GTF2H4: variants seen among roughly 807,000 people sequenced by gnomAD.
GTF2H4 encodes BTF2 p52.
In GTF2H4, 49 loss-of-function variants were observed where a neutral mutation model predicts 62.2. That is an observed-to-expected ratio of 0.79 (90% CI 0.63 to 1.00). The LOEUF is 1.00. Ranked by LOEUF, GTF2H4 falls within the 50% of genes least tolerant of loss-of-function variation. GTF2H4 has a pLI of 0.00. For synonymous variants in GTF2H4, 189 were observed against 233.8 expected (o/e 0.81, Z 1.75); for missense variants, 479 against 587.8 (o/e 0.81, Z 1.91).
Position 30,909,004 on chromosome 6 carries a change from G to A in GTF2H4, c.-3-30G>A, listed in dbSNP as rs1278866888. ...GGGGTGACACTGGCATGGATGGTGA[G>A]GTTGCACTTCTGACGTTTGCATTCC... On this transcript the variant is annotated intron_variant, in intron 1 of 13. Transcript: ENST00000259895. The surrounding 1 kb of genome is among the most constrained non-coding windows in gnomAD (Gnocchi z 4.3). 3.7e-6 allele frequency: 6 copies of A among 1,613,194 alleles called. No homozygotes were observed. The highest frequency in any genetic ancestry group is 4.2e-6 in the Non-Finnish European group (5 of 1,179,836).
Position 30,909,183 on chromosome 6 carries a change from C to T in GTF2H4, c.137+10C>T, listed in dbSNP as rs1562435372. ...GTCTGGCTGTCTTCAGGTGAGAAGCCCCTTCATGGCAGGGAAATGTAATGG... is the reference window on the plus strand; with the variant it reads ...GTCTGGCTGTCTTCAGGTGAGAAGCTCCTTCATGGCAGGGAAATGTAATGG... On this transcript the variant is annotated intron_variant, in intron 2 of 13. Coordinates refer to ENST00000259895, the MANE Select transcript of GTF2H4 (RefSeq NM_001517.5). The surrounding 1 kb of genome is among the most constrained non-coding windows in gnomAD (Gnocchi z 4.3). The T allele has an allele frequency of 6.2e-7, 1 of 1,609,764 alleles. No homozygotes were observed. Among genetic ancestry groups the T allele is most frequent in the Admixed American group, 1.7e-5 (1 of 59,580 alleles).
rs1182682475 is a variant in GTF2H4, at chr6:30,913,699, G to A, written c.1217-112G>A. On this transcript the variant is annotated intron_variant, in intron 13 of 13. Transcript: ENST00000259895. This position sits in a 1 kb window ranked among gnomAD's most constrained non-coding sequence, Gnocchi z 4.2. ...GTTTGTAAAATTGCGGTGGGGGCAA[G>A]CCCAGACCGCGTCCAGGGCTGCCAC... 3 of 1,079,626 alleles carry A rather than the reference G, an allele frequency of 2.8e-6. No homozygotes were observed. Among genetic ancestry groups the A allele is most frequent in the Non-Finnish European group, 3.9e-6 (3 of 766,026 alleles). 66.9% of individuals were successfully genotyped at this position (1,079,626 alleles called of 1,614,324 possible). A position where few individuals can be genotyped will look rare whatever the true frequency, so the allele number is the denominator to read the frequency against.
chr6:30,909,968 C>T lies in GTF2H4; in HGVS notation c.279C>T (p.Leu93=). The change falls in exon 4 of 14, where the codon CTC becomes CTT. Residue 93 remains leucine (L), a synonymous_variant. Transcript: ENST00000259895. The surrounding 1 kb of genome is among the most constrained non-coding windows in gnomAD (Gnocchi z 4.3). ...QEESTGLLSG[L]RIWHTQLLPG... ...AAAGTACAGGGCTGCTGAGCGGCCT[C>T]CGGATCTGGCACACACAGCTGCTCC... 1.2e-6 allele frequency: 2 copies of T among 1,612,996 alleles called. No homozygotes were observed. The highest frequency in any genetic ancestry group is 1.7e-6 in the Non-Finnish European group (2 of 1,179,974).
chr6:30,913,854 G>C lies in GTF2H4; in HGVS notation c.1260G>C (p.Leu420=). ...NQFLSQVDFE[L]LLAHARELGV... ...TCCTGTCGCAAGTGGACTTTGAGCT[G>C]CTGCTGGCCCACGCGCGGGAGCTGG... The change falls in exon 14 of 14, where the codon CTG becomes CTC. Residue 420 remains leucine, a synonymous_variant. Transcript: ENST00000259895. The surrounding 1 kb of genome is among the most constrained non-coding windows in gnomAD (Gnocchi z 4.2). 2 of 1,606,500 alleles carry C rather than the reference G, an allele frequency of 1.2e-6. No homozygotes were observed. Among genetic ancestry groups the C allele is most frequent in the Non-Finnish European group, 1.7e-6 (2 of 1,176,542 alleles).
chr6:30,912,499 C>T lies in GTF2H4; in HGVS notation c.1089+41C>T. 6.2e-7 allele frequency: 1 copy of T among 1,609,162 alleles called. No homozygotes were observed. The highest frequency in any genetic ancestry group is 8.5e-7 in the Non-Finnish European group (1 of 1,179,186). On this transcript the variant is annotated intron_variant, in intron 11 of 13. Coordinates refer to ENST00000259895, the MANE Select transcript of GTF2H4 (RefSeq NM_001517.5). This position sits in a 1 kb window ranked among gnomAD's most constrained non-coding sequence, Gnocchi z 4.8. ...AGAGGTGGAGCAGGAAGACAGGCTG[C>T]ACTTGGGCTGCGGGGGACAGGGGTC...
rs148569886 is a variant in GTF2H4 at position 30,910,390 on chromosome 6, T to C, written c.375-275T>C. Among the ~76,000 whole-genome samples the C allele has an allele frequency of 5.3e-5, 8 of 152,184 alleles. No homozygotes were observed. Among genetic ancestry groups the C allele is most frequent in the African/African-American group, 1.9e-4 (8 of 41,518 alleles). ...TGTCACCAAGGCCAGAGTGCAGTGG[T>C]GTAATCTTGACTCACGGCAGCCTCT... On this transcript the variant is annotated intron_variant, in intron 4 of 13. Coordinates refer to ENST00000259895, the MANE Select transcript of GTF2H4 (RefSeq NM_001517.5). The surrounding 1 kb of genome is among the most constrained non-coding windows in gnomAD (Gnocchi z 4.7).
At position 30,913,322 on chromosome 6, in the gene GTF2H4, C is replaced by T. The variant is rs1362649886; in HGVS notation, c.1151C>T (p.Pro384Leu). Residue 384 changes from proline to leucine, a missense_variant, in exon 13 of 14, where the codon CCC becomes CTC. Physicochemically the swap from Pro to Leu is moderately conservative, Grantham distance 98 (BLOSUM62 -3). Coordinates refer to ENST00000259895, the MANE Select transcript of GTF2H4 (RefSeq NM_001517.5). This position sits in a 1 kb window ranked among gnomAD's most constrained non-coding sequence, Gnocchi z 4.2. ...TGCTCCTTGCAGACACCTGTGCTGC[C>T]CCCCACCATCACCGACCAGATCCGG... The part of the protein sequence containing the change: ...PVMLKQTPVL[P>L]PTITDQIRLW... 6.2e-7 allele frequency: 1 copy of T among 1,613,422 alleles called. No individual in the cohort carries two copies. The highest frequency in any genetic ancestry group is 8.5e-7 in the Non-Finnish European group (1 of 1,180,006).
In GTF2H4 at chr6:30,913,974, T is replaced by C. The variant is rs767311152; in HGVS notation, c.1380T>C (p.His460=). 20 of 1,595,938 alleles carry C rather than the reference T, an allele frequency of 1.3e-5. No homozygotes were observed. Among genetic ancestry groups the C allele is most frequent in the South Asian group, 8.9e-5 (8 of 89,684 alleles). Residue 460 remains histidine, a synonymous_variant, in exon 14 of 14, where the codon CAT becomes CAC. Coordinates refer to ENST00000259895, the MANE Select transcript of GTF2H4 (RefSeq NM_001517.5). This position sits in a 1 kb window ranked among gnomAD's most constrained non-coding sequence, Gnocchi z 4.2. ...AGCGCTTTTGGAAGCGGCAGAAACATAGCTCCTGAGAGCGCGGGACTTGGA... is the reference window on the plus strand; with the variant it reads ...AGCGCTTTTGGAAGCGGCAGAAACACAGCTCCTGAGAGCGCGGGACTTGGA... ...DVKRFWKRQK[H]SS
rs1793729037 is a variant in GTF2H4 at position 30,910,773 on chromosome 6, G to T, written c.471+12G>T. 2.5e-6 allele frequency: 4 copies of T among 1,608,910 alleles called. No individual in the cohort carries two copies. The highest frequency in any genetic ancestry group is 3.4e-6 in the Non-Finnish European group (4 of 1,176,450). On this transcript the variant is annotated intron_variant, in intron 5 of 13. Coordinates refer to ENST00000259895, the MANE Select transcript of GTF2H4 (RefSeq NM_001517.5). This position sits in a 1 kb window ranked among gnomAD's most constrained non-coding sequence, Gnocchi z 4.7. ...AGGAGCGATGGGAGGTAAGCACTTG[G>T]GAGTGTGTGTGTCTCTGCTTGTGCT...
At position 30,911,314 on chromosome 6, in the gene GTF2H4, GGTCTCACT is replaced by G; in HGVS notation, c.672+47_672+54del. 1 of 1,546,166 alleles carries G rather than the reference GGTCTCACT, an allele frequency of 6.5e-7. No homozygotes were observed. The highest frequency in any genetic ancestry group is 8.9e-7 in the Non-Finnish European group (1 of 1,119,882). ...TAACCAGCATGCTCTGCTCCTCTCA[GGTCTCACT>G]GAGAGACTCCTGCCTACAGACTGTT... On this transcript the variant is annotated intron_variant, in intron 7 of 13. Coordinates refer to ENST00000259895, the MANE Select transcript of GTF2H4 (RefSeq NM_001517.5). This position sits in a 1 kb window ranked among gnomAD's most constrained non-coding sequence, Gnocchi z 4.3.
chr6:30,910,050 G>A lies in GTF2H4; in HGVS notation c.361G>A (p.Ala121Thr). The stretch of plus-strand genomic sequence containing the variant: ...CATTTTCCGCCAGAACCTCCGCATT[G>A]CCCTTCTGGGTGGGTATGTCACTTC... ...NPIFRQNLRI[A>T]LLGGGKAWSD... The change falls in exon 4 of 14, where the codon GCC becomes ACC. Residue 121 changes from alanine to threonine, a missense_variant. Transcript: ENST00000259895. This position sits in a 1 kb window ranked among gnomAD's most constrained non-coding sequence, Gnocchi z 4.7. The A allele has an allele frequency of 6.2e-7, 1 of 1,612,828 alleles. No individual in the cohort carries two copies. The highest frequency in any genetic ancestry group is 1.1e-5 in the South Asian group (1 of 91,072).
Position 30,913,310 on chromosome 6 carries a change from C to T in GTF2H4, c.1139C>T (p.Thr380Ile), listed in dbSNP as rs1320890493. 2 of 1,613,734 alleles carry T rather than the reference C, an allele frequency of 1.2e-6. No individual in the cohort carries two copies. Among genetic ancestry groups the T allele is most frequent in the Non-Finnish European group, 8.5e-7 (1 of 1,179,968 alleles). The change falls in exon 13 of 14, where the codon ACA becomes ATA. Residue 380 changes from threonine to isoleucine, a missense_variant and splice_region_variant. Thr to Ile is a moderately conservative substitution (Grantham distance 89, BLOSUM62 -1). Transcript: ENST00000259895. This position sits in a 1 kb window ranked among gnomAD's most constrained non-coding sequence, Gnocchi z 4.2. ...TRAHPVMLKQ[T>I]PVLPPTITDQ... is the part of the protein sequence containing the mutation. ...ACAGTCAACCCTTGCTCCTTGCAGACACCTGTGCTGCCCCCCACCATCACC... is the reference window on the plus strand; with the variant it reads ...ACAGTCAACCCTTGCTCCTTGCAGATACCTGTGCTGCCCCCCACCATCACC...
chr6:30,912,691 C>T lies in GTF2H4; in HGVS notation c.1089+233C>T, dbSNP rs769964786. On this transcript the variant is annotated intron_variant, in intron 11 of 13. Transcript: ENST00000259895. The surrounding 1 kb of genome is among the most constrained non-coding windows in gnomAD (Gnocchi z 4.8). ...GATTTGTGCCTCGGCACTGCCACAT[C>T]CTAACTGCGTAAACTAGACATAGTT... 3.9e-5 allele frequency among the ~76,000 whole-genome samples: 6 copies of T among 152,020 alleles called. No individual in the cohort carries two copies. Among genetic ancestry groups the T allele is most frequent in the Non-Finnish European group, 8.8e-5 (6 of 68,010 alleles).
rs1793709258 is a variant in GTF2H4 at position 30,910,317 on chromosome 6, C to T, written c.374+254C>T. 1.3e-5 allele frequency among the ~76,000 whole-genome samples: 2 copies of T among 151,948 alleles called. No homozygotes were observed. Among genetic ancestry groups the T allele is most frequent in the African/African-American group, 2.4e-5 (1 of 41,354 alleles). ...AGGAACACAGACAGGGTTCCTTACT[C>T]TTTTTTTGTTGTTCTGTTTTGTTTG... is the stretch of plus-strand genomic sequence containing the variant. On this transcript the variant is annotated intron_variant, in intron 4 of 13. Coordinates refer to ENST00000259895, the MANE Select transcript of GTF2H4 (RefSeq NM_001517.5). The surrounding 1 kb of genome is among the most constrained non-coding windows in gnomAD (Gnocchi z 4.7).
rs998435498 is a variant in GTF2H4 at position 30,912,965 on chromosome 6, C to T, written c.1090-145C>T. The stretch of plus-strand genomic sequence containing the variant: ...TGCTGGGAGCAGCAACGTGGGATAA[C>T]AGCTGAACTGGGATGGGTGGAGTTG... On this transcript the variant is annotated intron_variant, in intron 11 of 13. Transcript: ENST00000259895. This position sits in a 1 kb window ranked among gnomAD's most constrained non-coding sequence, Gnocchi z 4.8. The T allele has an allele frequency of 2.8e-6, 2 of 704,152 alleles. No individual in the cohort carries two copies. The highest frequency in any genetic ancestry group is 2.0e-5 in the South Asian group (1 of 50,386). 43.6% of individuals were successfully genotyped at this position (704,152 alleles called of 1,614,324 possible).
At position 30,909,381 on chromosome 6, in the gene GTF2H4, A is replaced by C. The variant is rs1057260274; in HGVS notation, c.138-54A>C. The C allele has an allele frequency of 3.1e-6, 4 of 1,288,798 alleles. No individual in the cohort carries two copies. The highest frequency in any genetic ancestry group is 4.5e-6 in the Non-Finnish European group (4 of 888,926). The allele number at this position is 1,288,798 out of a possible 1,614,324, so 79.8% of individuals were successfully genotyped here. On this transcript the variant is annotated intron_variant, in intron 2 of 13. Coordinates refer to ENST00000259895, the MANE Select transcript of GTF2H4 (RefSeq NM_001517.5). This position sits in a 1 kb window ranked among gnomAD's most constrained non-coding sequence, Gnocchi z 4.3. The stretch of plus-strand genomic sequence containing the variant: ...GTTTGAGAGGTAATTGAGGGCAGAG[A>C]TGCAGATACAATGCAGCTTCTGATA...
rs2150541044 is a variant in GTF2H4, at chr6:30,913,068, T to G, written c.1090-42T>G. 6.2e-7 allele frequency: 1 copy of G among 1,608,958 alleles called. No homozygotes were observed. Among genetic ancestry groups the G allele is most frequent in the Non-Finnish European group, 8.5e-7 (1 of 1,175,920 alleles). The stretch of plus-strand genomic sequence containing the variant: ...TGACAGCTCAGATGGCTTTCCTGCC[T>G]TCTTGCTGGAGCCCTCATGCCATTC... On this transcript the variant is annotated intron_variant, in intron 11 of 13. Coordinates refer to ENST00000259895, the MANE Select transcript of GTF2H4 (RefSeq NM_001517.5). This position sits in a 1 kb window ranked among gnomAD's most constrained non-coding sequence, Gnocchi z 4.2.
rs1223829975 is a variant in GTF2H4 at position 30,914,078 on chromosome 6, C to A, written c.*95C>A. Reference sequence around the variant, plus strand: ...TTTTTATTTACGCGTCAGGGCTTTTCTTGTTTAATAAAGTTATGATAGCTA... The same window carrying A: ...TTTTTATTTACGCGTCAGGGCTTTTATTGTTTAATAAAGTTATGATAGCTA... On this transcript the variant is annotated 3_prime_UTR_variant, in exon 14 of 14. Coordinates refer to ENST00000259895, the MANE Select transcript of GTF2H4 (RefSeq NM_001517.5). The A allele has an allele frequency of 1.0e-5, 13 of 1,240,922 alleles. No homozygotes were observed. Among genetic ancestry groups the A allele is most frequent in the Non-Finnish European group, 1.4e-5 (13 of 916,392 alleles). The allele number at this position is 1,240,922 out of a possible 1,614,324, so 76.9% of individuals were successfully genotyped here.
chr6:30,910,125 A>C lies in GTF2H4; in HGVS notation c.374+62A>C. 2.5e-6 allele frequency: 4 copies of C among 1,570,498 alleles called. No individual in the cohort carries two copies. The highest frequency in any genetic ancestry group is 3.5e-6 in the Non-Finnish European group (4 of 1,152,812). ...GGAACTGCTGCTTATTAAACCACTA[A>C]TTAAACTTTGGGAGGGGGAGCTCCT... On this transcript the variant is annotated intron_variant, in intron 4 of 13. Transcript: ENST00000259895. The surrounding 1 kb of genome is among the most constrained non-coding windows in gnomAD (Gnocchi z 4.7).
Sources: gnomAD v4.1 joint callset for allele counts (sites outside exome capture counted in the v4.1 genomes callset) on GRCh38, gnomAD v4.1.1 for gene constraint, Gnocchi (gnomAD v3.1) non-coding constraint, MANE v1.5 for transcripts, NCBI Gene and HGNC (gene_info 2026-07-23, HGNC 2026-07-21) for gene names.